TLR3: variants seen among roughly 807,000 people sequenced by gnomAD.
The protein encoded by TLR3 is toll-like receptor 3.
In TLR3, 43 loss-of-function variants were observed where a neutral mutation model predicts 66.4. The ratio of observed to expected loss-of-function variants is 0.65; its 90% CI spans 0.51 to 0.83. The LOEUF (loss-of-function observed/expected upper bound fraction) is 0.83. Among genes scored for constraint, TLR3 ranks in the 40% least tolerant of loss-of-function variants. TLR3 has a pLI of 0.00. For synonymous variants in TLR3, 397 were observed against 397.2 expected (o/e 1.00, Z 0.01); for missense variants, 982 against 1,044.6 (o/e 0.94, Z 0.83).
chr4:186,079,410 G>A (rs537128736), intron 3 of TLR3, among the ~76,000 whole-genome samples: 15 of 152,188 alleles, frequency 9.9e-5, no homozygotes, highest in Non-Finnish European at 1.8e-4. Context: ...GGGTTAGCTG[G>A]CTTGGTCTCT....
In TLR3 at chr4:186,083,952, T is replaced by C; in HGVS notation, c.2266T>C (p.Tyr756His). Residue 756 changes from tyrosine (Y) to histidine (H), a missense_variant, in exon 4 of 5, where the codon TAT becomes CAT. Tyr to His is a moderately conservative substitution (Grantham distance 83). Around this residue, in one of 3 missense-constraint regions of TLR3, gnomAD observed 666 missense variants for 709.0 expected, o/e 0.94. Transcript: ENST00000296795. The surrounding 1 kb of genome is among the most constrained non-coding windows in gnomAD (Gnocchi z 4.0). ...EIDRQTEQFE[Y>H]AAYIIHAYKD... is the part of the protein sequence containing the mutation. ...AGACAGACAGACAGAACAGTTTGAA[T>C]ATGCAGCATATATAATTCATGCCTA... is the stretch of plus-strand genomic sequence containing the variant. 2 of 1,614,184 alleles carry C rather than the reference T, an allele frequency of 1.2e-6. No homozygotes were observed. The highest frequency in any genetic ancestry group is 1.7e-6 in the Non-Finnish European group (2 of 1,180,040).
intron 1 of TLR3, among the ~76,000 whole-genome samples, chr4:186,072,076 G>A (rs1329026341): frequency 6.6e-6 from 1 of 152,216 alleles, no homozygotes; most frequent in East Asian, 1.9e-4. Context: ...TATTGTATGA[G>A]TGCATTCTCA....
At position 186,083,065 on chromosome 4, in the gene TLR3, A is replaced by G; in HGVS notation, c.1379A>G (p.Glu460Gly). 1 of 1,614,154 alleles carries G rather than the reference A, an allele frequency of 6.2e-7. No individual in the cohort carries two copies. Among genetic ancestry groups the G allele is most frequent in the Non-Finnish European group, 8.5e-7 (1 of 1,180,034 alleles). ...QEWRGLENIF[E>G]IYLSYNKYLQ... is the part of the protein sequence containing the mutation. ...TGGAGAGGTCTAGAAAATATTTTCG[A>G]AATCTATCTTTCCTACAACAAGTAC... is the stretch of plus-strand genomic sequence containing the variant. Residue 460 changes from glutamate (E) to glycine (G), a missense_variant, in exon 4 of 5, where the codon GAA becomes GGA. Around this residue, in one of 3 missense-constraint regions of TLR3, gnomAD observed 666 missense variants for 709.0 expected, o/e 0.94. Coordinates refer to ENST00000296795, the MANE Select transcript of TLR3 (RefSeq NM_003265.3). The surrounding 1 kb of genome is among the most constrained non-coding windows in gnomAD (Gnocchi z 4.0).
chr4:186,070,561 A>T (rs1445960148), intron 1 of TLR3, among the ~76,000 whole-genome samples: 1 of 151,850 alleles, frequency 6.6e-6, no homozygotes, highest in Non-Finnish European at 1.5e-5. Context: ...ATTTAAAAAA[A>T]AATTTTGGTG....
Position 186,083,365 on chromosome 4 carries a change from G to T in TLR3, c.1679G>T (p.Gly560Val), listed in dbSNP as rs1290715503. The change falls in exon 4 of 5, where the codon GGT becomes GTT. Residue 560 changes from glycine (G) to valine (V), a missense_variant. Around this residue, in one of 3 missense-constraint regions of TLR3, gnomAD observed 666 missense variants for 709.0 expected, o/e 0.94. Transcript: ENST00000296795. This position sits in a 1 kb window ranked among gnomAD's most constrained non-coding sequence, Gnocchi z 4.0. ...GGTGGTCCCATTTATTTCCTAAAGG[G>T]TCTGTCTCACCTCCACATCCTTAAC... ...NPGGPIYFLK[G>V]LSHLHILNLE... 1.2e-6 allele frequency: 2 copies of T among 1,614,020 alleles called. No homozygotes were observed. Among genetic ancestry groups the T allele is most frequent in the African/African-American group, 1.3e-5 (1 of 74,902 alleles).
At chr4:186,081,928 A>G in intron 3 of TLR3, 1 of 233,546 alleles carries the variant, frequency 4.3e-6, no homozygotes. Flanking sequence ...GCGGAGATGG[A>G]GTAAAGAACT....
Position 186,082,382 on chromosome 4 carries a change from G to C in TLR3, c.696G>C (p.Gln232His), listed in dbSNP as rs770233822. 6.2e-7 allele frequency: 1 copy of C among 1,613,792 alleles called. No individual in the cohort carries two copies. Among genetic ancestry groups the C allele is most frequent in the African/African-American group, 1.3e-5 (1 of 74,812 alleles). The change falls in exon 4 of 5, where the codon CAG becomes CAC. Residue 232 changes from glutamine (Q) to histidine (H), a missense_variant. Physicochemically the swap from Gln to His is conservative, Grantham distance 24. Transcript: ENST00000296795. ...TTGGCCTCTTTCTGAACAATGTCCA[G>C]CTGGGTCCCAGCCTTACAGAGAAGC... is the stretch of plus-strand genomic sequence containing the variant. ...RLFGLFLNNV[Q>H]LGPSLTEKLC...
chr4:186,071,811 AT>A (rs2099301519), intron 1 of TLR3, among the ~76,000 whole-genome samples: 1 of 152,204 alleles, frequency 6.6e-6, no homozygotes, highest in Admixed American at 6.5e-5. Context: ...ACCTAAGGTG[AT>A]TTTATTACCT....
intron 3 of TLR3, among the ~76,000 whole-genome samples, chr4:186,081,151 C>G (rs930502123): frequency 1.3e-5 from 2 of 151,926 alleles, no homozygotes; most frequent in African/African-American, 4.8e-5. Context: ...AGACATCAAT[C>G]TTAGCTACTC....
In TLR3 at chr4:186,083,038, A is replaced by T. The variant is rs200494519; in HGVS notation, c.1352A>T (p.Glu451Val). 1.2e-6 allele frequency: 2 copies of T among 1,614,152 alleles called. No individual in the cohort carries two copies. The highest frequency in any genetic ancestry group is 2.7e-5 in the African/African-American group (2 of 75,044). Residue 451 changes from glutamate to valine, a missense_variant, in exon 4 of 5, where the codon GAA becomes GTA. Physicochemically the swap from Glu to Val is moderately radical, Grantham distance 121. Transcript: ENST00000296795. The surrounding 1 kb of genome is among the most constrained non-coding windows in gnomAD (Gnocchi z 4.0). ...ATTGGGCAAGAACTCACAGGCCAGG[A>T]ATGGAGAGGTCTAGAAAATATTTTC... ...NEIGQELTGQ[E>V]WRGLENIFEI...
chr4:186,082,969 C>T lies in TLR3; in HGVS notation c.1283C>T (p.Ser428Phe). The change falls in exon 4 of 5, where the codon TCT becomes TTT. Residue 428 changes from serine (S) to phenylalanine (F), a missense_variant. Ser to Phe is a radical substitution (Grantham distance 155). Around this residue, in one of 3 missense-constraint regions of TLR3, gnomAD observed 666 missense variants for 709.0 expected, o/e 0.94. Coordinates refer to ENST00000296795, the MANE Select transcript of TLR3 (RefSeq NM_003265.3). ...TCAAAAATAGAGAGTGATGCTTTCT[C>T]TTGGTTGGGCCACCTAGAAGTACTT... ...KISKIESDAF[S>F]WLGHLEVLDL... 3 of 1,614,180 alleles carry T rather than the reference C, an allele frequency of 1.9e-6. No homozygotes were observed. The highest frequency in any genetic ancestry group is 2.5e-6 in the Non-Finnish European group (3 of 1,180,040).
chr4:186,072,774 G>A (rs988024147), intron 1 of TLR3, among the ~76,000 whole-genome samples: 18 of 152,282 alleles, frequency 1.2e-4, no homozygotes, highest in African/African-American at 3.6e-4. Context: ...AATTCAACGT[G>A]TGGTGTGGGT....
Position 186,076,704 on chromosome 4 carries a change from A to C in TLR3, c.85A>C (p.Thr29Pro). 6.2e-7 allele frequency: 1 copy of C among 1,614,160 alleles called. No homozygotes were observed. The highest frequency in any genetic ancestry group is 8.5e-7 in the Non-Finnish European group (1 of 1,180,032). ...MLCASSTTKC[T>P]VSHEVADCSH... ...GTGTGCATCCTCCACCACCAAGTGC[A>C]CTGTTAGCCATGAAGTTGCTGACTG... The change falls in exon 2 of 5, where the codon ACT becomes CCT. Residue 29 changes from threonine (T) to proline (P), a missense_variant. By Grantham distance (38) the Thr-to-Pro change is conservative (BLOSUM62 -1). Transcript: ENST00000296795.
In TLR3 at chr4:186,083,068, T is replaced by C; in HGVS notation, c.1382T>C (p.Ile461Thr). 6.2e-7 allele frequency: 1 copy of C among 1,614,188 alleles called. No homozygotes were observed. Among genetic ancestry groups the C allele is most frequent in the Non-Finnish European group, 8.5e-7 (1 of 1,180,040 alleles). ...EWRGLENIFE[I>T]YLSYNKYLQL... ...AGAGGTCTAGAAAATATTTTCGAAA[T>C]CTATCTTTCCTACAACAAGTACCTG... The change falls in exon 4 of 5, where the codon ATC becomes ACC. Residue 461 changes from isoleucine (I) to threonine (T), a missense_variant. By Grantham distance (89) the Ile-to-Thr change is moderately conservative. Transcript: ENST00000296795. This position sits in a 1 kb window ranked among gnomAD's most constrained non-coding sequence, Gnocchi z 4.0.
At chr4:186,080,102 G>C (rs1430224969) in intron 3 of TLR3, among the ~76,000 whole-genome samples, 4 of 152,064 alleles carry the variant, frequency 2.6e-5, no homozygotes, top group African/African-American at 4.8e-5. Flanking sequence ...ATAGGACTCT[G>C]CATTTTCACA....
Position 186,087,550 on chromosome 4 carries a change from T to C in TLR3, c.*2677T>C, listed in dbSNP as rs1032685629. ...CTCCAACTTCTTCCTGTTTTTCACA[T>C]TGCAAAACAAAACCCAACTGAATCG... On this transcript the variant is annotated 3_prime_UTR_variant, in exon 5 of 5. Transcript: ENST00000296795. The C allele has an allele frequency of 5.3e-5, 8 of 152,202 alleles. No homozygotes were observed. Among genetic ancestry groups the C allele is most frequent in the African/African-American group, 1.4e-4 (6 of 41,436 alleles). The allele number at this position is 152,202 out of a possible 1,614,324, so 9.4% of individuals were successfully genotyped here. A position where few individuals can be genotyped will look rare whatever the true frequency, so the allele number is the denominator to read the frequency against.
rs2099304502 is a variant in TLR3 at position 186,087,226 on chromosome 4, A to C, written c.*2353A>C. On this transcript the variant is annotated 3_prime_UTR_variant, in exon 5 of 5. Coordinates refer to ENST00000296795, the MANE Select transcript of TLR3 (RefSeq NM_003265.3). ...CTCAGATATATCAATGACATATTCAATACATCATTAAGTTGCTTAATATTT... is the reference window on the plus strand; with the variant it reads ...CTCAGATATATCAATGACATATTCACTACATCATTAAGTTGCTTAATATTT... 1 of 152,216 alleles carries C rather than the reference A, an allele frequency of 6.6e-6. No individual in the cohort carries two copies. The highest frequency in any genetic ancestry group is 1.5e-5 in the Non-Finnish European group (1 of 68,044). The allele number at this position is 152,216 out of a possible 1,614,324, so 9.4% of individuals were successfully genotyped here. A position where few individuals can be genotyped will look rare whatever the true frequency, so the allele number is the denominator to read the frequency against.
At position 186,082,302 on chromosome 4, in the gene TLR3, T is replaced by C. The variant is rs749907488; in HGVS notation, c.634-18T>C. On this transcript the variant is annotated intron_variant, in intron 3 of 4. Transcript: ENST00000296795. Reference sequence around the variant, plus strand: ...GTGTTCTTTTGATTGTTAACCTCTTTTTTTTTCCTACCTTTAGTTTTCTCC... The same window carrying C: ...GTGTTCTTTTGATTGTTAACCTCTTCTTTTTTCCTACCTTTAGTTTTCTCC... The C allele has an allele frequency of 5.6e-6, 9 of 1,602,750 alleles. No individual in the cohort carries two copies. The Admixed American group carries it at 8.4e-5, about 15-fold the overall frequency.
At position 186,078,979 on chromosome 4, in the gene TLR3, T is replaced by C; in HGVS notation, c.581T>C (p.Phe194Ser). The C allele has an allele frequency of 6.2e-7, 1 of 1,613,934 alleles. No individual in the cohort carries two copies. Among genetic ancestry groups the C allele is most frequent in the Non-Finnish European group, 8.5e-7 (1 of 1,179,960 alleles). ...QALKSEELDI[F>S]ANSSLKKLEL... ...CTAAAAAGTGAAGAACTGGATATCTTTGCCAATTCATCTTTAAAAAAATTA... is the reference window on the plus strand; with the variant it reads ...CTAAAAAGTGAAGAACTGGATATCTCTGCCAATTCATCTTTAAAAAAATTA... Residue 194 changes from phenylalanine (F) to serine (S), a missense_variant, in exon 3 of 5, where the codon TTT (phenylalanine) becomes TCT (serine). By Grantham distance (155) the Phe-to-Ser change is radical. Coordinates refer to ENST00000296795, the MANE Select transcript of TLR3 (RefSeq NM_003265.3).
Sources: gnomAD v4.1 joint callset for allele counts (sites outside exome capture counted in the v4.1 genomes callset) on GRCh38, gnomAD v4.1.1 for gene constraint, gnomAD v4.1.1 regional missense constraint, Gnocchi (gnomAD v3.1) non-coding constraint, MANE v1.5 for transcripts, NCBI Gene and HGNC (gene_info 2026-07-23, HGNC 2026-07-21) for gene names.